The following PLCB4 variants were observed in gnomAD, a reference collection of about 807,000 sequenced individuals.
The protein encoded by PLCB4 is phospholipase C beta 4.
PLCB4 carries 77 observed loss-of-function variants against 178.8 expected under a neutral mutation model. The observed-to-expected ratio is 0.43, with a 90% CI of 0.36 to 0.52. The LOEUF is 0.52. PLCB4 is among the 20% of genes least tolerant of loss of function. PLCB4 has a pLI of 0.00. For missense variants in PLCB4, 1,024 were observed against 1,453.4 expected (o/e 0.70, Z 4.80); for synonymous variants, 496 against 490.8 (o/e 1.01, Z -0.14).
intron 3 of PLCB4, among the ~76,000 whole-genome samples, chr20:9,274,134 C>T (rs1269904911): frequency 6.6e-6 from 1 of 152,006 alleles, no homozygotes; most frequent in Non-Finnish European, 1.5e-5. Flanking sequence ...AATTGAATTC[C>T]ACAGTTCTTG....
chr20:9,100,757 C>A (rs2146627912), intron 2 of PLCB4, among the ~76,000 whole-genome samples: 2 of 152,156 alleles, frequency 1.3e-5, no homozygotes. Context: ...TGTTTTATTG[C>A]TTTTCCAGAA....
At chr20:9,207,692 G>A (rs1447745418) in intron 2 of PLCB4, among the ~76,000 whole-genome samples, 3 of 152,140 alleles carry the variant, frequency 2.0e-5, no homozygotes, top group African/African-American at 7.2e-5. Context: ...CCCACCATCT[G>A]CTCCACAATA....
intron 4 of PLCB4, among the ~76,000 whole-genome samples, chr20:9,317,731 A>C (rs1231433910): frequency 6.6e-6 from 1 of 152,234 alleles, no homozygotes; most frequent in Non-Finnish European, 1.5e-5. Context: ...TGGGCAATTA[A>C]ATTAAAATAT....
intron 3 of PLCB4, among the ~76,000 whole-genome samples, chr20:9,256,104 C>G (rs2147513687): frequency 6.6e-6 from 1 of 152,212 alleles, no homozygotes; most frequent in Middle Eastern, 3.4e-3. Flanking sequence ...ATACATATGT[C>G]TGGAGGGGCA....
chr20:9,069,390 C>G (rs191096609), intron 1 of PLCB4, among the ~76,000 whole-genome samples, 184 bp downstream of exon 1: 17 of 152,250 alleles, frequency 1.1e-4, no homozygotes, highest in African/African-American at 2.2e-4. Flanking sequence ...GGGACCCAGA[C>G]GCCATCCCCC....
chr20:9,253,415 G>A (rs1433436560), intron 3 of PLCB4, among the ~76,000 whole-genome samples: 1 of 152,108 alleles, frequency 6.6e-6, no homozygotes, highest in Non-Finnish European at 1.5e-5. Flanking sequence ...CTCCTGCTCT[G>A]TGCTGATACC....
intron 2 of PLCB4, among the ~76,000 whole-genome samples, chr20:9,210,190 C>T (rs1246295732): frequency 2.6e-4 from 39 of 151,998 alleles, no homozygotes; most frequent in Admixed American, 2.6e-3. Flanking sequence ...AAATAACACC[C>T]ATAAAAAACT....
Position 9,479,143 on chromosome 20 carries a change from TCTGA to T in PLCB4, c.*141_*144del. On this transcript the variant is annotated 3_prime_UTR_variant, in exon 40 of 40. Coordinates refer to ENST00000378473, the MANE Select transcript of PLCB4 (RefSeq NM_001377142.1). Reference sequence around the variant, plus strand: ...TCTGAAACCAGAGAGACTTGGAATGTCTGACTGACTTCTATTTAACAGCTTGAGT... The same window carrying T: ...TCTGAAACCAGAGAGACTTGGAATGTCTGACTTCTATTTAACAGCTTGAGT... The T allele has an allele frequency of 1.5e-6, 1 of 668,076 alleles. No individual in the cohort carries two copies. The allele number at this position is 668,076 out of a possible 1,614,324, so 41.4% of individuals were successfully genotyped here. A position where few individuals can be genotyped will look rare whatever the true frequency, so the allele number is the denominator to read the frequency against.
intron 2 of PLCB4, among the ~76,000 whole-genome samples, chr20:9,153,829 TAATCAACCAA>T (rs1300783361): frequency 6.6e-6 from 1 of 152,192 alleles, no homozygotes; most frequent in Non-Finnish European, 1.5e-5. Flanking sequence ...ATGATTATTA[TAATCAACCAA>T]AATTTTGCAA....
intron 2 of PLCB4, among the ~76,000 whole-genome samples, chr20:9,187,647 G>C (rs1204063425): frequency 1.3e-5 from 2 of 152,200 alleles, no homozygotes; most frequent in East Asian, 1.9e-4. Flanking sequence ...GTATAGGCCA[G>C]AGTTCTAGAA....
At chr20:9,289,676 G>C (rs1171924839) in intron 3 of PLCB4, among the ~76,000 whole-genome samples, 1 of 152,046 alleles carries the variant, frequency 6.6e-6, no homozygotes, top group African/African-American at 2.4e-5. Context: ...CATATCTTTA[G>C]AGTGTTTTTT....
intron 39 of PLCB4, among the ~76,000 whole-genome samples, chr20:9,478,552 A>C (rs532059416): frequency 5.3e-5 from 8 of 152,330 alleles, no homozygotes; most frequent in Non-Finnish European, 1.0e-4. Context: ...GCAACGTGTC[A>C]ATCTGTAGAA....
At chr20:9,241,070 A>C (rs2094055292) in intron 3 of PLCB4, among the ~76,000 whole-genome samples, 1 of 152,222 alleles carries the variant, frequency 6.6e-6, no homozygotes, top group African/African-American at 2.4e-5. Flanking sequence ...AGGAATATTT[A>C]GGCTCAGTTT....
At chr20:9,135,489 A>C (rs2092363850) in intron 2 of PLCB4, among the ~76,000 whole-genome samples, 2 of 152,128 alleles carry the variant, frequency 1.3e-5, no homozygotes, top group Admixed American at 1.3e-4. Context: ...GTTACAGCAG[A>C]GCCAGAACTA....
chr20:9,198,921 T>C (rs2093506274), intron 2 of PLCB4, among the ~76,000 whole-genome samples: 1 of 152,168 alleles, frequency 6.6e-6, no homozygotes, highest in East Asian at 1.9e-4. Context: ...ATGAAAATAG[T>C]AGAGGGCTAT....
At chr20:9,293,873 A>G (rs2094605948) in intron 3 of PLCB4, among the ~76,000 whole-genome samples, 1 of 152,130 alleles carries the variant, frequency 6.6e-6, no homozygotes, top group African/African-American at 2.4e-5. Flanking sequence ...GTAAATAACC[A>G]GTAAGTAAAT....
chr20:9,354,365 C>T (rs1238338907), intron 7 of PLCB4, among the ~76,000 whole-genome samples: 1 of 152,126 alleles, frequency 6.6e-6, no homozygotes, highest in Non-Finnish European at 1.5e-5. Flanking sequence ...TAAAACAAGC[C>T]TACCCTCCAG....
At chr20:9,121,038 G>A (rs1031569636) in intron 2 of PLCB4, among the ~76,000 whole-genome samples, 10 of 152,116 alleles carry the variant, frequency 6.6e-5, no homozygotes, top group African/African-American at 9.7e-5. Context: ...TGATCTACCC[G>A]TCTTGACCAT....
intron 39 of PLCB4, among the ~76,000 whole-genome samples, chr20:9,478,003 G>A (rs899566573): frequency 1.3e-5 from 2 of 151,938 alleles, no homozygotes. Context: ...ATTTTCAAAT[G>A]TCCTTTATTT....
Sources: gnomAD v4.1 joint callset for allele counts (sites outside exome capture counted in the v4.1 genomes callset) on GRCh38, gnomAD v4.1.1 for gene constraint, MANE v1.5 for transcripts, NCBI Gene and HGNC (gene_info 2026-07-23, HGNC 2026-07-21) for gene names.